Variants in IL1RAP observed in about 807,000 individuals in gnomAD.
The protein encoded by IL1RAP is interleukin-1 receptor accessory protein.
Under a neutral mutation model 60.7 loss-of-function variants are expected in IL1RAP, and 35 were observed. That is an observed-to-expected ratio of 0.58 (90% CI 0.44 to 0.76). The LOEUF is 0.76. Among genes scored for constraint, IL1RAP ranks in the 30% least tolerant of loss-of-function variants. IL1RAP has a pLI of 0.00. For synonymous variants in IL1RAP, 268 were observed against 250.9 expected (o/e 1.07, Z -0.64); for missense variants, 572 against 693.9 (o/e 0.82, Z 1.97).
At chr3:190,599,056 G>T (rs1729624442) in intron 3 of IL1RAP, among the ~76,000 whole-genome samples, 1 of 152,076 alleles carries the variant, frequency 6.6e-6, no homozygotes, top group African/African-American at 2.4e-5. Context: ...AATGACATCA[G>T]ATAATCTGTC....
intron 9 of IL1RAP, among the ~76,000 whole-genome samples, chr3:190,635,757 T>C (rs1454737131): frequency 6.6e-6 from 1 of 152,208 alleles, no homozygotes; most frequent in African/African-American, 2.4e-5. Context: ...TATTGTCATT[T>C]AAGTTTAGCT....
downstream of IL1RAP, among the ~76,000 whole-genome samples, chr3:190,655,088 ATACTATGAAC>A (rs1310757998): frequency 6.6e-6 from 1 of 152,184 alleles, no homozygotes; most frequent in Non-Finnish European, 1.5e-5. Flanking sequence ...AACAAGATAA[ATACTATGAAC>A]TACTATGAAC....
intron 9 of IL1RAP, 107 bp downstream of exon 9, chr3:190,629,605 C>T (rs143764038): frequency 2.2e-5 from 32 of 1,438,778 alleles, no homozygotes; most frequent in South Asian, 6.5e-5. Context: ...CCTAGCCCGA[C>T]GGCATCTAAC....
chr3:190,586,112 C>T (rs1015796688), intron 3 of IL1RAP, among the ~76,000 whole-genome samples: 4 of 152,106 alleles, frequency 2.6e-5, no homozygotes, highest in East Asian at 1.9e-4. Context: ...GTGAAGGCAC[C>T]GATGAGTGTC....
intron 3 of IL1RAP, among the ~76,000 whole-genome samples, chr3:190,572,932 C>A (rs1037580243): frequency 2.3e-5 from 2 of 86,488 alleles, no homozygotes; most frequent in South Asian, 4.5e-4. Flanking sequence ...GGCGGGATCT[C>A]GGCTCACTGC....
At chr3:190,558,649 C>G (rs1031713535) in intron 2 of IL1RAP, among the ~76,000 whole-genome samples, 1 of 152,048 alleles carries the variant, frequency 6.6e-6, no homozygotes, top group Non-Finnish European at 1.5e-5. Flanking sequence ...TATGATTCCT[C>G]CAACTTTATT....
chr3:190,586,285 A>G (rs73886496), intron 3 of IL1RAP, among the ~76,000 whole-genome samples: 6,670 of 152,256 alleles, frequency 0.044, 494 homozygotes, highest in African/African-American at 0.15. Flanking sequence ...CACAGTCTAT[A>G]TCTTCCTTGT....
At chr3:190,561,162 T>A (rs572074198) in intron 2 of IL1RAP, among the ~76,000 whole-genome samples, 1 of 152,190 alleles carries the variant, frequency 6.6e-6, no homozygotes, top group Admixed American at 6.5e-5. Context: ...TTCTGACAGT[T>A]CCTCCATCTC....
At chr3:190,543,670 A>G (rs1275848834) in intron 1 of IL1RAP, among the ~76,000 whole-genome samples, 1 of 152,074 alleles carries the variant, frequency 6.6e-6, no homozygotes, top group Non-Finnish European at 1.5e-5. Flanking sequence ...GGCAGAAGAG[A>G]TGAGTAAAGG....
intron 7 of IL1RAP, 59 bp from the exon 8 acceptor site, chr3:190,627,260 TTTTG>T: frequency 8.4e-7 from 1 of 1,187,776 alleles, no homozygotes; most frequent in East Asian, 2.7e-5. Context: ...TTGTTTTTTG[TTTTG>T]TTTTGTTTTG....
intron 1 of IL1RAP, among the ~76,000 whole-genome samples, chr3:190,533,429 T>C (rs1053885415): frequency 1.3e-5 from 2 of 152,164 alleles, no homozygotes; most frequent in African/African-American, 2.4e-5. Context: ...CTTAGAAACT[T>C]TATATTGGGA....
At chr3:190,563,533 G>C (rs1188707719) in intron 2 of IL1RAP, 2 of 152,164 alleles carry the variant, frequency 1.3e-5, no homozygotes, top group Non-Finnish European at 2.9e-5. Context: ...GCAACCAAAT[G>C]TAAGGGTATG....
intron 1 of IL1RAP, among the ~76,000 whole-genome samples, chr3:190,538,952 C>T (rs1023129743): frequency 2.0e-5 from 3 of 152,140 alleles, no homozygotes; most frequent in Non-Finnish European, 4.4e-5. Context: ...TGAAGCCTCC[C>T]CAGCCATGCT....
intron 3 of IL1RAP, among the ~76,000 whole-genome samples, chr3:190,580,163 G>A (rs974364026): frequency 1.3e-4 from 20 of 152,288 alleles, no homozygotes; most frequent in Admixed American, 9.8e-4. Context: ...ACGTTCCAAC[G>A]TAACTGTGCC....
At chr3:190,538,696 G>A (rs1335376858) in intron 1 of IL1RAP, among the ~76,000 whole-genome samples, 1 of 152,112 alleles carries the variant, frequency 6.6e-6, no homozygotes, top group African/African-American at 2.4e-5. Flanking sequence ...TGGTTTGGCT[G>A]TATCCCACCT....
intron 3 of IL1RAP, among the ~76,000 whole-genome samples, chr3:190,595,740 C>T (rs1268110502): frequency 6.6e-6 from 1 of 152,096 alleles, no homozygotes; most frequent in Admixed American, 6.5e-5. Flanking sequence ...TCTCAAGACT[C>T]TCACCTCCAC....
chr3:190,545,723 C>A (rs1653831166), intron 1 of IL1RAP, among the ~76,000 whole-genome samples: 2 of 152,146 alleles, frequency 1.3e-5, no homozygotes, highest in African/African-American at 4.8e-5. Flanking sequence ...AGCTATAGTT[C>A]TTCTGTAAAA....
chr3:190,514,720 T>G (rs1246425110), intron 1 of IL1RAP, among the ~76,000 whole-genome samples: 1 of 152,214 alleles, frequency 6.6e-6, no homozygotes, highest in African/African-American at 2.4e-5. Flanking sequence ...TGACCTGCTT[T>G]CTCAGAAAGA....
At chr3:190,603,969 AG>A (rs1462260020) in intron 3 of IL1RAP, among the ~76,000 whole-genome samples, 158 bp from the exon 4 acceptor site, 1 of 152,182 alleles carries the variant, frequency 6.6e-6, no homozygotes, top group Non-Finnish European at 1.5e-5. Context: ...TTCACACCAA[AG>A]GTGCCTACTG....
Sources: allele counts gnomAD v4.1 joint callset (sites outside exome capture counted in the v4.1 genomes callset), GRCh38; gene constraint gnomAD v4.1.1; transcripts MANE v1.5; gene names NCBI Gene and HGNC (gene_info 2026-07-23, HGNC 2026-07-21).